Variants in NFIA observed in about 807,000 individuals in gnomAD.
The protein encoded by NFIA is nuclear factor 1 A-type.
Under a neutral mutation model 62.8 loss-of-function variants are expected in NFIA, and 8 were observed. That is an observed-to-expected ratio of 0.13 (90% CI 0.07 to 0.23). The LOEUF (loss-of-function observed/expected upper bound fraction) is 0.23. Among genes scored for constraint, NFIA ranks in the 10% least tolerant of loss-of-function variants. The probability of loss-of-function intolerance (pLI) is 1.00; values close to 1 mark genes in which losing one functional copy is unlikely to be tolerated. For synonymous variants in NFIA, 235 were observed against 238.1 expected (o/e 0.99, Z 0.12); for missense variants, 410 against 642.1 (o/e 0.64, Z 3.91).
At chr1:61,155,824 TAA>T (rs1384497547) in intron 2 of NFIA, among the ~76,000 whole-genome samples, 1 of 151,668 alleles carries the variant, frequency 6.6e-6, no homozygotes, top group Non-Finnish European at 1.5e-5. Context: ...GTGAAAGTCC[TAA>T]AGTGAGTTCA....
intron 2 of NFIA, among the ~76,000 whole-genome samples, chr1:61,233,122 C>T (rs1300064056): frequency 6.6e-6 from 1 of 152,102 alleles, no homozygotes; most frequent in Non-Finnish European, 1.5e-5. Context: ...CCCTCCTTGC[C>T]TTTCACAGAC....
rs11377718 is a variant in NFIA at position 61,109,493 on chromosome 1, A to ATT, written c.559+20821_559+20822dup. ...TATTTACTGAGAATCTCTTATGAGT[A>ATT]TTTTTTTTTGGTGTGTTCTTTATTT... On this transcript the variant is annotated intron_variant, in intron 2 of 10. Coordinates refer to ENST00000403491, the MANE Select transcript of NFIA (RefSeq NM_001134673.4). Among the ~76,000 whole-genome samples the ATT allele has an allele frequency of 9.8e-3, 1,479 of 150,184 alleles. 12 individuals are homozygous for ATT. Among genetic ancestry groups the ATT allele is most frequent in the Non-Finnish European group, 0.015 (990 of 67,264 alleles).
upstream of NFIA, chr1:61,077,456 A>T: frequency 2.0e-6 from 1 of 498,054 alleles, no homozygotes; most frequent in Non-Finnish European, 3.3e-6. Context: ...TAAAAAAAAA[A>T]TTCTCCAAGA....
Position 61,458,871 on chromosome 1 carries a change from T to G in NFIA, c.*3551T>G, listed in dbSNP as rs1360442695. ...TTTGATGAAGCTAAAATTAGGGAAC[T>G]CTGAACAGATTTGCAGGAAAAAATG... is the stretch of plus-strand genomic sequence containing the variant. On this transcript the variant is annotated 3_prime_UTR_variant, in exon 11 of 11. Coordinates refer to ENST00000403491, the MANE Select transcript of NFIA (RefSeq NM_001134673.4). 6.6e-6 allele frequency: 1 copy of G among 152,178 alleles called. No homozygotes were observed. The highest frequency in any genetic ancestry group is 6.5e-5 in the Admixed American group (1 of 15,276). The allele number at this position is 152,178 out of a possible 1,614,324, so 9.4% of individuals were successfully genotyped here. A position where few individuals can be genotyped will look rare whatever the true frequency, so the allele number is the denominator to read the frequency against.
intron 2 of NFIA, among the ~76,000 whole-genome samples, chr1:61,272,523 T>C (rs1213016444): frequency 6.6e-6 from 1 of 152,206 alleles, no homozygotes; most frequent in Non-Finnish European, 1.5e-5. Context: ...ATGTTACTCA[T>C]AAGAACAGAA....
chr1:61,255,257 A>G (rs1381219290), intron 2 of NFIA, among the ~76,000 whole-genome samples: 1 of 152,206 alleles, frequency 6.6e-6, no homozygotes, highest in Non-Finnish European at 1.5e-5. Context: ...CATTTCCCAC[A>G]GTCTGAGACC....
At chr1:61,089,686 T>C (rs1460390150) in intron 2 of NFIA, among the ~76,000 whole-genome samples, 4 of 145,124 alleles carry the variant, frequency 2.8e-5, no homozygotes, top group Admixed American at 1.4e-4. Context: ...ATATTTAACG[T>C]TTTTTTTTCT....
chr1:61,415,031 T>A (rs1451929036), intron 9 of NFIA, among the ~76,000 whole-genome samples: 1 of 152,170 alleles, frequency 6.6e-6, no homozygotes, highest in Admixed American at 6.5e-5. Flanking sequence ...CATGTTGATT[T>A]TAATTCCTCT....
At chr1:61,191,339 C>T (rs1052388852) in intron 2 of NFIA, among the ~76,000 whole-genome samples, 14 of 152,118 alleles carry the variant, frequency 9.2e-5, no homozygotes, top group Admixed American at 1.3e-4. Context: ...TATTTAAAGT[C>T]TCAAGTTGCT....
intron 1 of NFIA, 49 bp downstream of exon 1, chr1:61,082,867 G>A (rs1392002591): frequency 1.3e-6 from 2 of 1,503,974 alleles, no homozygotes; most frequent in Non-Finnish European, 1.8e-6. Context: ...GGCGCCGGGG[G>A]CAGGGCTGGG....
intron 2 of NFIA, among the ~76,000 whole-genome samples, chr1:61,147,691 G>A (rs1648109990): frequency 6.6e-6 from 1 of 151,842 alleles, no homozygotes; most frequent in South Asian, 2.1e-4. Context: ...GGTCTGTGTT[G>A]TTGGAAAGCA....
At chr1:61,268,422 C>T (rs1451176226) in intron 2 of NFIA, among the ~76,000 whole-genome samples, 1 of 151,996 alleles carries the variant, frequency 6.6e-6, no homozygotes, top group Non-Finnish European at 1.5e-5. Context: ...CCCCACCCCC[C>T]GACACCAATT....
chr1:61,260,308 A>G (rs72929865), intron 2 of NFIA, among the ~76,000 whole-genome samples: 2,000 of 152,314 alleles, frequency 0.013, 43 homozygotes, highest in African/African-American at 0.045. Context: ...AGCAGTGAGC[A>G]GGCGCCAGAG....
At chr1:61,308,730 C>T (rs1391634223) in intron 3 of NFIA, among the ~76,000 whole-genome samples, 1 of 152,152 alleles carries the variant, frequency 6.6e-6, no homozygotes, top group Non-Finnish European at 1.5e-5. Flanking sequence ...GAAGTTAGTA[C>T]CTAACTTTCA....
intron 3 of NFIA, among the ~76,000 whole-genome samples, chr1:61,292,958 A>G (rs1315228496): frequency 6.6e-6 from 1 of 152,088 alleles, no homozygotes; most frequent in Non-Finnish European, 1.5e-5. Flanking sequence ...CTGTGCCCGT[A>G]TGTTGGGTTG....
At chr1:61,378,189 T>C (rs1456449963) in intron 6 of NFIA, among the ~76,000 whole-genome samples, 1 of 152,194 alleles carries the variant, frequency 6.6e-6, no homozygotes, top group Non-Finnish European at 1.5e-5. Context: ...TGATATCAAA[T>C]TGCAGTGAAA....
intron 2 of NFIA, among the ~76,000 whole-genome samples, chr1:61,096,954 A>G (rs567576878): frequency 6.6e-6 from 1 of 152,316 alleles, no homozygotes; most frequent in African/African-American, 2.4e-5. Flanking sequence ...TATAATTTAT[A>G]CTATATTAAG....
chr1:61,383,093 G>A, intron 6 of NFIA, 144 bp from the exon 7 acceptor site: 1 of 1,017,986 alleles, frequency 9.8e-7, no homozygotes, highest in Non-Finnish European at 1.5e-6. Context: ...TGTGACAAAT[G>A]CAAAGCAATT....
chr1:61,340,325 G>A (rs920388599), intron 4 of NFIA, among the ~76,000 whole-genome samples: 2 of 152,138 alleles, frequency 1.3e-5, no homozygotes, highest in Admixed American at 1.3e-4. Flanking sequence ...TATTCAAGAT[G>A]GCAGCATGAT....
Sources: allele counts gnomAD v4.1 joint callset (sites outside exome capture counted in the v4.1 genomes callset), GRCh38; gene constraint gnomAD v4.1.1; transcripts MANE v1.5; gene names NCBI Gene and HGNC (gene_info 2026-07-23, HGNC 2026-07-21).